GTF2IRD1: variants seen among roughly 807,000 people sequenced by gnomAD.
GTF2IRD1 encodes GTF2I repeat domain containing 1.
GTF2IRD1 carries 26 observed loss-of-function variants against 113.2 expected under a neutral mutation model. The ratio of observed to expected loss-of-function variants is 0.23; its 90% CI spans 0.17 to 0.32. The LOEUF (loss-of-function observed/expected upper bound fraction) is 0.32, where lower values mean the gene tolerates loss of function less well. Ranked by LOEUF, GTF2IRD1 falls within the 10% of genes least tolerant of loss-of-function variation. The probability of loss-of-function intolerance (pLI) is 1.00; values close to 1 mark genes in which losing one functional copy is unlikely to be tolerated. For missense variants in GTF2IRD1, 864 were observed against 1,280.8 expected (o/e 0.67, Z 4.97); for synonymous variants, 484 against 529.1 (o/e 0.91, Z 1.17).
At chr7:74,526,016 C>T (rs1554347170) in intron 8 of GTF2IRD1, among the ~76,000 whole-genome samples, 1 of 152,164 alleles carries the variant, frequency 6.6e-6, no homozygotes, top group African/African-American at 2.4e-5. Context: ...CACCCTGGCC[C>T]AGCCACGCCT....
chr7:74,515,445 G>T lies in GTF2IRD1; in HGVS notation c.270G>T (p.Gly90=). The T allele has an allele frequency of 1.3e-6, 2 of 1,584,344 alleles. No individual in the cohort carries two copies. The highest frequency in any genetic ancestry group is 1.7e-6 in the Non-Finnish European group (2 of 1,163,226). Residue 90 remains glycine (G), a synonymous_variant, in exon 4 of 27, where the codon GGG becomes GGT. Transcript: ENST00000424337. ...LQSDFLRFCR[G]PPWKDPEAEH... ...CGCGTGCTCTGTGTCCCACAGGAGG[G>T]CCCCCGTGGAAGGATCCGGAGGCAG...
At chr7:74,590,211 G>C (rs1801974976) in intron 23 of GTF2IRD1, among the ~76,000 whole-genome samples, 1 of 151,862 alleles carries the variant, frequency 6.6e-6, no homozygotes, top group Admixed American at 6.6e-5. Flanking sequence ...CTCCCAAGTA[G>C]CTGGGACTAC....
intron 1 of GTF2IRD1, among the ~76,000 whole-genome samples, chr7:74,460,898 G>A (rs182944213): frequency 2.6e-5 from 4 of 152,180 alleles, no homozygotes; most frequent in Admixed American, 6.5e-5. Flanking sequence ...GGAGGCTGCT[G>A]GGAATTCCTG....
intron 1 of GTF2IRD1, among the ~76,000 whole-genome samples, chr7:74,466,077 C>G (rs1231273938): frequency 6.6e-6 from 1 of 152,198 alleles, no homozygotes; most frequent in Non-Finnish European, 1.5e-5. Flanking sequence ...GGACAGCATG[C>G]CTCGGTTTCT....
chr7:74,575,241 G>A (rs1363819782), intron 22 of GTF2IRD1, among the ~76,000 whole-genome samples: 1 of 152,168 alleles, frequency 6.6e-6, no homozygotes, highest in Non-Finnish European at 1.5e-5. Context: ...ACCAGAAGGA[G>A]GCCTTAGTTT....
intron 17 of GTF2IRD1, among the ~76,000 whole-genome samples, chr7:74,551,278 G>A (rs1799290322): frequency 6.6e-6 from 1 of 152,134 alleles, no homozygotes; most frequent in Admixed American, 6.6e-5. Flanking sequence ...GGGAGGTGGA[G>A]GTTGCAGTGA....
chr7:74,496,921 G>T (rs1554338252), intron 1 of GTF2IRD1, among the ~76,000 whole-genome samples: 1 of 152,160 alleles, frequency 6.6e-6, no homozygotes, highest in Non-Finnish European at 1.5e-5. Flanking sequence ...CAGCAGGTTG[G>T]GAGGCTGAGG....
intron 23 of GTF2IRD1, among the ~76,000 whole-genome samples, 173 bp from the exon 24 acceptor site, chr7:74,590,652 A>G (rs1300491203): frequency 1.3e-5 from 2 of 152,026 alleles, no homozygotes; most frequent in African/African-American, 4.8e-5. Context: ...CAGCCTCCCA[A>G]AGTGCTGGGA....
rs587694879 is a variant in GTF2IRD1 at position 74,535,142 on chromosome 7, T to C, written c.1300+4T>C. 3.7e-6 allele frequency: 6 copies of C among 1,611,432 alleles called. No homozygotes were observed. In the South Asian group the frequency reaches 5.5e-5, roughly 15 times the overall value. ...TTTGATGAGCGAATTTTCACAGGTATGTGGGGACCATCTAGTCCATTCTGA... is the reference window on the plus strand; with the variant it reads ...TTTGATGAGCGAATTTTCACAGGTACGTGGGGACCATCTAGTCCATTCTGA... On this transcript the variant is annotated splice_donor_region_variant and intron_variant, in intron 10 of 26. Transcript: ENST00000424337.
intron 22 of GTF2IRD1, among the ~76,000 whole-genome samples, chr7:74,582,094 T>G (rs587704520): frequency 1.3e-5 from 2 of 152,212 alleles, no homozygotes; most frequent in African/African-American, 4.8e-5. Flanking sequence ...CTAACCAGGG[T>G]GCGTGGGCGA....
At position 74,512,333 on chromosome 7, in the gene GTF2IRD1, CAG is replaced by C. The variant is rs1187324137; in HGVS notation, c.124-494_124-493del. On this transcript the variant is annotated intron_variant, in intron 2 of 26. Coordinates refer to ENST00000424337, the MANE Select transcript of GTF2IRD1 (RefSeq NM_005685.4). The surrounding 1 kb of genome is among the most constrained non-coding windows in gnomAD (Gnocchi z 4.4). The stretch of plus-strand genomic sequence containing the variant: ...TGCCACTGCACTCCAGCCTGGGCGA[CAG>C]AGTGAGACTGTGTCTCAAAAAACAA... Among the ~76,000 whole-genome samples, 1 of 152,204 alleles carries C rather than the reference CAG, an allele frequency of 6.6e-6. No individual in the cohort carries two copies. Among genetic ancestry groups the C allele is most frequent in the African/African-American group, 2.4e-5 (1 of 41,458 alleles).
At chr7:74,534,845 G>A (rs931330053) in intron 9 of GTF2IRD1, among the ~76,000 whole-genome samples, 17 of 150,684 alleles carry the variant, frequency 1.1e-4, no homozygotes, top group African/African-American at 4.2e-4. Context: ...GGAGGTTGCC[G>A]TGAGCCAAGA....
intron 1 of GTF2IRD1, among the ~76,000 whole-genome samples, chr7:74,454,559 G>A (rs1161306950): frequency 1.4e-5 from 2 of 147,076 alleles, no homozygotes; most frequent in African/African-American, 5.1e-5. Flanking sequence ...GGGAGCAGAG[G>A]GGGCTGGGAA....
chr7:74,586,767 C>T (rs1801740273), intron 22 of GTF2IRD1, among the ~76,000 whole-genome samples: 1 of 152,250 alleles, frequency 6.6e-6, no homozygotes, highest in Admixed American at 6.5e-5. Context: ...GGTCAGCAGA[C>T]TCTAAGCAGC....
intron 1 of GTF2IRD1, among the ~76,000 whole-genome samples, chr7:74,499,548 A>C (rs1320515641): frequency 6.6e-6 from 1 of 152,242 alleles, no homozygotes; most frequent in Non-Finnish European, 1.5e-5. Flanking sequence ...ATGAATGCAC[A>C]CACCAAGGAA....
At chr7:74,601,375 G>C in intron 26 of GTF2IRD1, 195 bp downstream of exon 26, 1 of 1,515,248 alleles carries the variant, frequency 6.6e-7, no homozygotes, top group South Asian at 1.2e-5. Flanking sequence ...TTCTCGTGGG[G>C]TACTCACAGG....
intron 22 of GTF2IRD1, among the ~76,000 whole-genome samples, chr7:74,586,692 C>G (rs1801736934): frequency 6.6e-6 from 1 of 152,204 alleles, no homozygotes; most frequent in African/African-American, 2.4e-5. Flanking sequence ...TGGGGCAACC[C>G]CCACATGGGG....
intron 1 of GTF2IRD1, among the ~76,000 whole-genome samples, chr7:74,502,303 A>G (rs1318770331): frequency 6.6e-6 from 1 of 152,202 alleles, no homozygotes; most frequent in African/African-American, 2.4e-5. Flanking sequence ...TCTTCTGTCT[A>G]CATGCCCTTT....
chr7:74,536,699 G>A (rs1191911210), intron 11 of GTF2IRD1, among the ~76,000 whole-genome samples: 3 of 152,018 alleles, frequency 2.0e-5, no homozygotes, highest in African/African-American at 2.4e-5. Flanking sequence ...CCAGCTACTC[G>A]GGAGGCTGAG....
Sources: gnomAD v4.1 joint callset for allele counts (sites outside exome capture counted in the v4.1 genomes callset) on GRCh38, gnomAD v4.1.1 for gene constraint, Gnocchi (gnomAD v3.1) non-coding constraint, MANE v1.5 for transcripts, NCBI Gene and HGNC (gene_info 2026-07-23, HGNC 2026-07-21) for gene names.